TLL1: variants seen among roughly 807,000 people sequenced by gnomAD.
TLL1 encodes tolloid like 1.
A neutral mutation model predicts 128.2 loss-of-function variants in TLL1; 49 were observed. The ratio of observed to expected loss-of-function variants is 0.38; its 90% CI spans 0.30 to 0.48. The LOEUF (loss-of-function observed/expected upper bound fraction) is 0.48, where lower values mean the gene tolerates loss of function less well. Among genes scored for constraint, TLL1 ranks in the 20% least tolerant of loss-of-function variants. The probability of loss-of-function intolerance (pLI) is 0.96; values close to 1 mark genes in which losing one functional copy is unlikely to be tolerated. For synonymous variants in TLL1, 454 were observed against 418.8 expected (o/e 1.08, Z -1.03); for missense variants, 1,123 against 1,242.0 (o/e 0.90, Z 1.44).
chr4:166,099,588 T>G (rs1366882585), intron 20 of TLL1, 61 bp downstream of exon 20: 1 of 1,606,928 alleles, frequency 6.2e-7, no homozygotes, highest in Non-Finnish European at 8.5e-7. Flanking sequence ...GATTCATGAT[T>G]GATATGTGTA....
rs951819686 is a variant in TLL1 at position 165,897,662 on chromosome 4, C to CTTTTTTTTTTTTTTTT, written c.169+23598_169+23613dup. 4.6e-4 allele frequency among the ~76,000 whole-genome samples: 22 copies of CTTTTTTTTTTTTTTTT among 47,512 alleles called. 1 individual carries two copies. The highest frequency in any genetic ancestry group is 5.4e-4 in the African/African-American group (6 of 11,132). The allele number at this position is 47,512 out of a possible 152,430, so 31.2% of individuals were successfully genotyped here. A position where few individuals can be genotyped will look rare whatever the true frequency, so the allele number is the denominator to read the frequency against. ...TATAGTTTGAAGTCAGGTAGTCCAGCTTTTTTTTTTTTTTTTTTTTTTTTG... is the reference window on the plus strand; with the variant it reads ...TATAGTTTGAAGTCAGGTAGTCCAGCTTTTTTTTTTTTTTTTTTTTTTTTTTTTTTTTTTTTTTTTG... On this transcript the variant is annotated intron_variant, in intron 1 of 20. Transcript: ENST00000061240.
At chr4:166,072,460 A>AATC (rs776781220) in intron 16 of TLL1, among the ~76,000 whole-genome samples, 5 of 151,472 alleles carry the variant, frequency 3.3e-5, no homozygotes, top group Non-Finnish European at 5.9e-5. Context: ...ATTATTCTGA[A>AATC]ATCATTATTA....
Position 165,917,536 on chromosome 4 carries a change from A to G in TLL1, c.169+43463A>G, listed in dbSNP as rs1732840533. Among the ~76,000 whole-genome samples, 4 of 152,090 alleles carry G rather than the reference A, an allele frequency of 2.6e-5. No individual in the cohort carries two copies. In the South Asian group the frequency reaches 8.3e-4, roughly 32 times the overall value. On this transcript the variant is annotated intron_variant, in intron 1 of 20. Coordinates refer to ENST00000061240, the MANE Select transcript of TLL1 (RefSeq NM_012464.5). The stretch of plus-strand genomic sequence containing the variant: ...CTTAGACTTTGCTAGTGAATGATAT[A>G]TCTTTGTTGTATTATATTTGTACTT...
At chr4:165,998,713 C>T (rs188632654) in intron 5 of TLL1, among the ~76,000 whole-genome samples, 3,196 of 151,518 alleles carry the variant, frequency 0.021, 118 homozygotes, top group African/African-American at 0.074. Context: ...AGGAGAATGG[C>T]GTGAACCTGG....
Position 166,104,436 on chromosome 4 carries a change from A to G in TLL1, c.*3560A>G, listed in dbSNP as rs1015535384. ...AGGCATGGGAGGAGGAGAGCAGAAAATATAATTGCCTTCTAAAGATATATA... is the reference window on the plus strand; with the variant it reads ...AGGCATGGGAGGAGGAGAGCAGAAAGTATAATTGCCTTCTAAAGATATATA... On this transcript the variant is annotated 3_prime_UTR_variant, in exon 21 of 21. Coordinates refer to ENST00000061240, the MANE Select transcript of TLL1 (RefSeq NM_012464.5). Among the ~76,000 whole-genome samples, 1 of 151,946 alleles carries G rather than the reference A, an allele frequency of 6.6e-6. No homozygotes were observed. Among genetic ancestry groups the G allele is most frequent in the African/African-American group, 2.4e-5 (1 of 41,418 alleles).
intron 9 of TLL1, among the ~76,000 whole-genome samples, chr4:166,033,675 G>C (rs564326231): frequency 3.3e-5 from 5 of 152,150 alleles, no homozygotes; most frequent in African/African-American, 1.2e-4. Flanking sequence ...TAAAAATAAG[G>C]GTTTCAGTTC....
At chr4:165,933,762 C>T (rs894768450) in intron 1 of TLL1, among the ~76,000 whole-genome samples, 10 of 152,084 alleles carry the variant, frequency 6.6e-5, no homozygotes, top group Non-Finnish European at 1.5e-5. Context: ...ACAGACACTT[C>T]CCTCCCAGAT....
At chr4:165,949,645 A>G (rs546619144) in intron 1 of TLL1, among the ~76,000 whole-genome samples, 2 of 152,226 alleles carry the variant, frequency 1.3e-5, no homozygotes, top group South Asian at 4.1e-4. Context: ...TACATCTCAC[A>G]TGGTGGCAGA....
intron 8 of TLL1, among the ~76,000 whole-genome samples, chr4:166,021,432 CT>C (rs113942126): frequency 0.12 from 14,725 of 120,300 alleles, 457 homozygotes; most frequent in African/African-American, 0.15. Flanking sequence ...TTATTTTTGC[CT>C]TTTTTTTTTT....
Position 165,893,687 on chromosome 4 carries a change from C to T in TLL1, c.169+19614C>T, listed in dbSNP as rs568792812. 3.9e-5 allele frequency among the ~76,000 whole-genome samples: 6 copies of T among 152,268 alleles called. No individual in the cohort carries two copies. In the South Asian group the frequency reaches 1.2e-3, roughly 32 times the overall value. On this transcript the variant is annotated intron_variant, in intron 1 of 20. Transcript: ENST00000061240. ...AAAAAAGAAAAAAAATTCCTTGGGG[C>T]TCACCCAGAGCAGGTAACGGTACCT...
At chr4:166,009,306 T>G (rs1737573563) in intron 7 of TLL1, among the ~76,000 whole-genome samples, 1 of 151,504 alleles carries the variant, frequency 6.6e-6, no homozygotes, top group South Asian at 2.1e-4. Context: ...CTTCTGCTAC[T>G]GAGTTATATT....
At chr4:165,907,695 C>T (rs989036197) in intron 1 of TLL1, among the ~76,000 whole-genome samples, 1 of 151,826 alleles carries the variant, frequency 6.6e-6, no homozygotes, top group Non-Finnish European at 1.5e-5. Context: ...ATTACAGGCA[C>T]GCAACACCAC....
chr4:165,975,986 T>C (rs929129141), intron 1 of TLL1, among the ~76,000 whole-genome samples: 4 of 119,008 alleles, frequency 3.4e-5, no homozygotes. Flanking sequence ...TGCAGTAAGC[T>C]CAGAACATAC....
intron 12 of TLL1, among the ~76,000 whole-genome samples, chr4:166,054,854 T>C (rs1739928650): frequency 6.6e-6 from 1 of 152,034 alleles, no homozygotes; most frequent in Admixed American, 6.6e-5. Context: ...GTGGATGTAC[T>C]GTTTCATAGT....
At chr4:165,904,922 TC>T (rs1732181339) in intron 1 of TLL1, among the ~76,000 whole-genome samples, 1 of 152,200 alleles carries the variant, frequency 6.6e-6, no homozygotes, top group South Asian at 2.1e-4. Flanking sequence ...AAGCTTAACA[TC>T]AGCCATGAGG....
intron 1 of TLL1, among the ~76,000 whole-genome samples, chr4:165,904,074 T>A (rs759408906): frequency 1.3e-5 from 2 of 152,192 alleles, no homozygotes; most frequent in South Asian, 2.1e-4. Flanking sequence ...AATTTTTTTT[T>A]ATATGGCATC....
intron 1 of TLL1, among the ~76,000 whole-genome samples, chr4:165,938,589 C>T (rs1733867889): frequency 1.3e-5 from 2 of 152,128 alleles, no homozygotes; most frequent in South Asian, 2.1e-4. Flanking sequence ...TCCATCTTGA[C>T]ACCTTTTTTA....
At chr4:166,047,727 C>A (rs1490830772) in intron 12 of TLL1, among the ~76,000 whole-genome samples, 1 of 152,042 alleles carries the variant, frequency 6.6e-6, no homozygotes, top group Admixed American at 6.6e-5. Context: ...TTTCAGGAAT[C>A]TTTGAGCAGG....
At chr4:166,048,703 T>A (rs1274626332) in intron 12 of TLL1, among the ~76,000 whole-genome samples, 1 of 152,212 alleles carries the variant, frequency 6.6e-6, no homozygotes, top group Non-Finnish European at 1.5e-5. Context: ...TTCAAAGGAA[T>A]GTCACCAAAG....
Sources: gnomAD v4.1 joint callset for allele counts (sites outside exome capture counted in the v4.1 genomes callset) on GRCh38, gnomAD v4.1.1 for gene constraint, MANE v1.5 for transcripts, NCBI Gene and HGNC (gene_info 2026-07-23, HGNC 2026-07-21) for gene names.